Variants in GRK3 observed in about 807,000 individuals in gnomAD.
GRK3 encodes G protein-coupled receptor kinase 3, also known as adrenergic, beta, receptor kinase 2.
Under a neutral mutation model 95.7 loss-of-function variants are expected in GRK3, and 54 were observed. That is an observed-to-expected ratio of 0.56 (90% CI 0.45 to 0.71). The LOEUF (loss-of-function observed/expected upper bound fraction) is 0.71, where lower values mean the gene tolerates loss of function less well. Ranked by LOEUF, GRK3 falls within the 30% of genes least tolerant of loss-of-function variation. GRK3 has a pLI of 0.00. For missense variants in GRK3, 649 were observed against 851.2 expected (o/e 0.76, Z 2.96); for synonymous variants, 281 against 290.8 (o/e 0.97, Z 0.34).
Position 25,704,104 on chromosome 22 carries a change from C to T in GRK3, c.1228-5C>T, listed in dbSNP as rs778438519. The T allele has an allele frequency of 1.2e-6, 2 of 1,607,698 alleles. No individual in the cohort carries two copies. Among genetic ancestry groups the T allele is most frequent in the South Asian group, 2.2e-5 (2 of 90,360 alleles). On this transcript the variant is annotated splice_region_variant and splice_polypyrimidine_tract_variant and intron_variant, in intron 14 of 20. Coordinates refer to ENST00000324198, the MANE Select transcript of GRK3 (RefSeq NM_005160.4). ...TTTTTGAAATCTTACTCGTCTTTTC[C>T]CCAGAATGTGGAACTTCCAGACACC...
chr22:25,708,706 GGCTGGAGTGCA>G (rs2085319892), intron 15 of GRK3, among the ~76,000 whole-genome samples: 1 of 151,536 alleles, frequency 6.6e-6, no homozygotes, highest in Non-Finnish European at 1.5e-5. Context: ...CTGTCACTCA[GGCTGGAGTGCA>G]ATGGCACAAT....
Position 25,645,615 on chromosome 22 carries a change from C to T in GRK3, c.264+950C>T, listed in dbSNP as rs575222866. On this transcript the variant is annotated intron_variant, in intron 3 of 20. Transcript: ENST00000324198. ...GTGTCTCCTTGAACTCCATAGACGG[C>T]GTGCCTTAGAAACAGGATCAAAGCA... Among the ~76,000 whole-genome samples, 94 of 152,218 alleles carry T rather than the reference C, an allele frequency of 6.2e-4. 1 individual carries two copies. The highest frequency in any genetic ancestry group is 1.0e-3 in the Non-Finnish European group (68 of 68,008).
rs1384509139 is a variant in GRK3, at chr22:25,620,685, G to A, written c.190+16232G>A. 1.3e-5 allele frequency among the ~76,000 whole-genome samples: 2 copies of A among 152,326 alleles called. 1 individual carries two copies. Among genetic ancestry groups the A allele is most frequent in the South Asian group, 4.1e-4 (2 of 4,824 alleles). ...CTTTCTGGCTACTTCCTGCAGAAAA[G>A]GGGTGTTGAATGGGGAACAGCAGCT... On this transcript the variant is annotated intron_variant, in intron 2 of 20. Transcript: ENST00000324198.
At chr22:25,587,359 C>G (rs1334625204) in intron 1 of GRK3, among the ~76,000 whole-genome samples, 1 of 152,084 alleles carries the variant, frequency 6.6e-6, no homozygotes, top group Non-Finnish European at 1.5e-5. Context: ...CTGTATTATT[C>G]CTGATTTAAA....
intron 5 of GRK3, among the ~76,000 whole-genome samples, chr22:25,666,362 G>T (rs1461889999): frequency 6.6e-6 from 1 of 152,168 alleles, no homozygotes; most frequent in East Asian, 1.9e-4. Context: ...TGACTCTTTT[G>T]AACCTCTTGA....
At chr22:25,602,307 A>G (rs2084414894) in intron 1 of GRK3, among the ~76,000 whole-genome samples, 1 of 152,250 alleles carries the variant, frequency 6.6e-6, no homozygotes, top group Non-Finnish European at 1.5e-5. Flanking sequence ...CCAAAATTTA[A>G]AAAGACTTAC....
chr22:25,678,814 A>G lies in GRK3; in HGVS notation c.648-2A>G. On this transcript the variant is annotated splice_acceptor_variant, in intron 8 of 20. Coordinates refer to ENST00000324198, the MANE Select transcript of GRK3 (RefSeq NM_005160.4). LOFTEE classifies it high-confidence loss of function. ...GATTTTTCAATAAATTTATGTTTCT[A>G]GGTATGCAATGAAATGCTTAGATAA... is the stretch of plus-strand genomic sequence containing the variant. The G allele has an allele frequency of 6.5e-7, 1 of 1,538,734 alleles. No individual in the cohort carries two copies. The highest frequency in any genetic ancestry group is 8.9e-7 in the Non-Finnish European group (1 of 1,120,740).
intron 1 of GRK3, among the ~76,000 whole-genome samples, chr22:25,578,201 G>T (rs563436201): frequency 6.6e-6 from 1 of 151,886 alleles, no homozygotes; most frequent in South Asian, 2.1e-4. Context: ...AGAAACAATT[G>T]CATTTCCATC....
chr22:25,624,512 C>A (rs925726280), intron 2 of GRK3, among the ~76,000 whole-genome samples: 11 of 152,044 alleles, frequency 7.2e-5, no homozygotes, highest in Non-Finnish European at 1.3e-4. Flanking sequence ...TGCAGTGAGC[C>A]TAGATCACGC....
At chr22:25,629,537 A>G (rs1441550247) in intron 2 of GRK3, among the ~76,000 whole-genome samples, 1 of 152,200 alleles carries the variant, frequency 6.6e-6, no homozygotes, top group Non-Finnish European at 1.5e-5. Context: ...AATCACTGTG[A>G]TGACTTCGAT....
intron 2 of GRK3, among the ~76,000 whole-genome samples, chr22:25,644,101 A>AGGTTTGGGAAGAAAGGACTAGAAG (rs1218412256): frequency 1.3e-5 from 2 of 151,112 alleles, no homozygotes; most frequent in East Asian, 3.9e-4. Flanking sequence ...AGGACTAGAA[A>AGGTTTGGGAAGAAAGGACTAGAAG]GGTTTGGGAA....
chr22:25,676,178 C>G (rs1270674353), intron 8 of GRK3, among the ~76,000 whole-genome samples: 4 of 151,966 alleles, frequency 2.6e-5, no homozygotes, highest in African/African-American at 9.7e-5. Flanking sequence ...CACTGAAACA[C>G]AGTCCTCTGC....
At position 25,617,274 on chromosome 22, in the gene GRK3, T is replaced by G. The variant is rs145506462; in HGVS notation, c.190+12821T>G. 3.1e-3 allele frequency among the ~76,000 whole-genome samples: 465 copies of G among 152,332 alleles called. 2 individuals carry two copies. Among genetic ancestry groups the G allele is most frequent in the African/African-American group, 0.011 (442 of 41,570 alleles). ...TATGGCTATTTAAGAAGATTGAAAT[T>G]AGTTGTTTTTGGCTTCTGCTTTTCA... On this transcript the variant is annotated intron_variant, in intron 2 of 20. Transcript: ENST00000324198.
chr22:25,595,566 A>G (rs1056395236), intron 1 of GRK3, among the ~76,000 whole-genome samples: 9 of 152,250 alleles, frequency 5.9e-5, no homozygotes, highest in African/African-American at 1.9e-4. Context: ...CAAGTAGAAC[A>G]TAAGGGAATA....
rs535632419 is a variant in GRK3 at position 25,688,004 on chromosome 22, A to T, written c.957+337A>T. Among the ~76,000 whole-genome samples, 83 of 152,298 alleles carry T rather than the reference A, an allele frequency of 5.4e-4. 1 individual carries two copies. The East Asian group carries it at 0.015, about 28-fold the overall frequency. On this transcript the variant is annotated intron_variant, in intron 11 of 20. Coordinates refer to ENST00000324198, the MANE Select transcript of GRK3 (RefSeq NM_005160.4). The stretch of plus-strand genomic sequence containing the variant: ...GTAATCCCAGCACTTTGGGAGGCCA[A>T]GGAGGGCGGATCACAAGGTCAGGAG...
At chr22:25,579,782 C>T (rs1234361575) in intron 1 of GRK3, among the ~76,000 whole-genome samples, 1 of 151,938 alleles carries the variant, frequency 6.6e-6, no homozygotes, top group African/African-American at 2.4e-5. Flanking sequence ...GAGGGGACTT[C>T]TTTACAGAAG....
In GRK3 at chr22:25,723,441, T is replaced by G. The variant is rs1199219316; in HGVS notation, c.*991T>G. 6.6e-6 allele frequency: 1 copy of G among 152,224 alleles called. No homozygotes were observed. The highest frequency in any genetic ancestry group is 1.5e-5 in the Non-Finnish European group (1 of 68,046). 9.4% of individuals were successfully genotyped at this position (152,224 alleles called of 1,614,324 possible). A position where few individuals can be genotyped will look rare whatever the true frequency, so the allele number is the denominator to read the frequency against. ...TTGAAAAAATGCTGAGGAATGAATG[T>G]GTCAAAATGGGTTAACTGTGTATAT... is the stretch of plus-strand genomic sequence containing the variant. On this transcript the variant is annotated 3_prime_UTR_variant, in exon 21 of 21. Coordinates refer to ENST00000324198, the MANE Select transcript of GRK3 (RefSeq NM_005160.4).
chr22:25,635,991 T>G (rs1281473633), intron 2 of GRK3, among the ~76,000 whole-genome samples: 1 of 152,224 alleles, frequency 6.6e-6, no homozygotes, highest in Admixed American at 6.5e-5. Flanking sequence ...TAATGGGTTA[T>G]GATCTATGAC....
chr22:25,612,960 TA>T (rs558198048), intron 2 of GRK3, among the ~76,000 whole-genome samples: 17 of 152,114 alleles, frequency 1.1e-4, no homozygotes, highest in South Asian at 2.1e-4. Flanking sequence ...CCCAAAATAC[TA>T]AAAAACAAAC....
Sources: gnomAD v4.1 joint callset for allele counts (sites outside exome capture counted in the v4.1 genomes callset) on GRCh38, gnomAD v4.1.1 for gene constraint, MANE v1.5 for transcripts, NCBI Gene and HGNC (gene_info 2026-07-23, HGNC 2026-07-21) for gene names.